Variants in HOGA1 observed in about 807,000 individuals in gnomAD.
The protein encoded by HOGA1 is 4-hydroxy-2-oxoglutarate aldolase 1.
In HOGA1, 30 loss-of-function variants were observed where a neutral mutation model predicts 34.3. The observed-to-expected ratio is 0.87, with a 90% CI of 0.65 to 1.19. The LOEUF (loss-of-function observed/expected upper bound fraction) is 1.19, where lower values mean the gene tolerates loss of function less well. HOGA1 is among the 50% of genes most tolerant of loss of function. HOGA1 has a pLI of 0.00. For missense variants in HOGA1, 417 were observed against 436.5 expected, an observed-to-expected ratio of 0.96 and a Z score of 0.40; for synonymous variants, 161 against 174.0, an observed-to-expected ratio of 0.93 and a Z score of 0.59.
chr10:97,606,807 A>G (rs2041161311), intron 6 of HOGA1, among the ~76,000 whole-genome samples: 1 of 152,158 alleles, frequency 6.6e-6, no homozygotes, highest in Admixed American at 6.5e-5. Flanking sequence ...CTTTGATCGA[A>G]ATTGCGTTAA....
intron 6 of HOGA1, among the ~76,000 whole-genome samples, chr10:97,606,111 C>T (rs1358657155): frequency 2.3e-5 from 3 of 129,908 alleles, no homozygotes; most frequent in South Asian, 2.4e-4. Context: ...GGTGAAACCC[C>T]GTCTCTACTA....
intron 1 of HOGA1, among the ~76,000 whole-genome samples, chr10:97,588,273 C>T (rs1469750908): frequency 6.9e-6 from 1 of 145,712 alleles, no homozygotes; most frequent in Non-Finnish European, 1.5e-5. Context: ...TCTCGGCTTA[C>T]TGCAAGCTCT....
chr10:97,603,203 C>T lies in HOGA1; in HGVS notation c.834+1213C>T, dbSNP rs1320747224. 6.6e-6 allele frequency among the ~76,000 whole-genome samples: 1 copy of T among 152,046 alleles called. No homozygotes were observed. The highest frequency in any genetic ancestry group is 2.4e-5 in the African/African-American group (1 of 41,402). ...ATTTTTAGTAGAGACGGGGTTTCAC[C>T]ATGTTGGCCAGGCTGGCCTCAAACT... On this transcript the variant is annotated intron_variant, in intron 6 of 6. Transcript: ENST00000370646. This position sits in a 1 kb window ranked among gnomAD's most constrained non-coding sequence, Gnocchi z 4.5.
chr10:97,601,763 T>TG, intron 5 of HOGA1, 94 bp from the exon 6 acceptor site: 1 of 1,448,916 alleles, frequency 6.9e-7, no homozygotes, highest in Non-Finnish European at 9.7e-7. Context: ...AATCTGTATC[T>TG]AATGTCCCCA....
At chr10:97,590,313 G>T in intron 1 of HOGA1, 8 of 1,613,788 alleles carry the variant, frequency 5.0e-6, no homozygotes, top group Non-Finnish European at 5.9e-6. Flanking sequence ...ACCCAGGGGC[G>T]GCACCTGGCT....
intron 2 of HOGA1, 23 bp downstream of exon 2, chr10:97,598,926 CTG>C (rs2041093410): frequency 1.2e-6 from 2 of 1,613,184 alleles, no homozygotes; most frequent in Admixed American, 3.3e-5. Context: ...GCCCTGGGCC[CTG>C]GGGGTGGGTG....
At position 97,599,793 on chromosome 10, in the gene HOGA1, C is replaced by T. The variant is rs766603508; in HGVS notation, c.582C>T (p.Gly194=). The T allele has an allele frequency of 6.2e-7, 1 of 1,614,212 alleles. No individual in the cohort carries two copies. The highest frequency in any genetic ancestry group is 2.2e-5 in the East Asian group (1 of 44,886). Residue 194 remains glycine (G), a synonymous_variant, in exon 4 of 7, where the codon GGC becomes GGT. Transcript: ENST00000370646. ...VTLSQHPNIV[G]MKDSGGDVTR... ...TTTCCCAGCACCCGAATATTGTGGGCATGAAGGACAGCGGTGGTGATGTGA... is the reference window on the plus strand; with the variant it reads ...TTTCCCAGCACCCGAATATTGTGGGTATGAAGGACAGCGGTGGTGATGTGA...
At chr10:97,589,759 A>G (rs2041002649) in intron 1 of HOGA1, 2 of 701,364 alleles carry the variant, frequency 2.9e-6, no homozygotes, top group Non-Finnish European at 5.0e-6. Flanking sequence ...AGCATGAATC[A>G]TACCACCAGA....
chr10:97,600,218 C>T, intron 5 of HOGA1, 55 bp downstream of exon 5: 2 of 1,424,722 alleles, frequency 1.4e-6, no homozygotes. Context: ...TACCCAGGTA[C>T]CTGGGTCTTC....
At chr10:97,600,449 A>G in intron 5 of HOGA1, 1 of 502,648 alleles carries the variant, frequency 2.0e-6, no homozygotes. Flanking sequence ...TTAGATGACA[A>G]ACTTAGCTGC....
chr10:97,590,728 G>A lies in HOGA1; in HGVS notation c.211+5814G>A, dbSNP rs533523108. 2.1e-4 allele frequency: 143 copies of A among 679,146 alleles called. 1 individual carries two copies. The highest frequency in any genetic ancestry group is 2.1e-3 in the African/African-American group (116 of 55,212). The allele number at this position is 679,146 out of a possible 1,614,324, so 42.1% of individuals were successfully genotyped here. A position where few individuals can be genotyped will look rare whatever the true frequency, so the allele number is the denominator to read the frequency against. The stretch of plus-strand genomic sequence containing the variant: ...ATCCCTACTTTCTTAGGCTCCTCAC[G>A]GGGATTATGGGCTCTTTAAACTCCA... On this transcript the variant is annotated intron_variant, in intron 1 of 6. Coordinates refer to ENST00000370646, the MANE Select transcript of HOGA1 (RefSeq NM_138413.4).
chr10:97,591,804 C>A (rs1279654866), intron 1 of HOGA1, among the ~76,000 whole-genome samples: 2 of 97,012 alleles, frequency 2.1e-5, no homozygotes, highest in African/African-American at 8.2e-5. Flanking sequence ...TTTTTTTTTT[C>A]TTTTCTTTCA....
In HOGA1 at chr10:97,584,812, G is replaced by A; in HGVS notation, c.109G>A (p.Gly37Ser). ...SGEGKKVDIA[G>S]IYPPVTTPFT... Reference sequence around the variant, plus strand: ...GGAGGGGAAGAAGGTGGACATTGCGGGTATCTACCCCCCTGTGACCACCCC... The same window carrying A: ...GGAGGGGAAGAAGGTGGACATTGCGAGTATCTACCCCCCTGTGACCACCCC... The change falls in exon 1 of 7, where the codon GGT becomes AGT. Residue 37 changes from glycine to serine, a missense_variant. Physicochemically the swap from Gly to Ser is moderately conservative, Grantham distance 56. Transcript: ENST00000370646. 5 of 1,614,018 alleles carry A rather than the reference G, an allele frequency of 3.1e-6. No individual in the cohort carries two copies. The highest frequency in any genetic ancestry group is 4.2e-6 in the Non-Finnish European group (5 of 1,179,938).
chr10:97,610,606 G>A (rs1015774443), intron 6 of HOGA1, among the ~76,000 whole-genome samples: 19 of 152,184 alleles, frequency 1.2e-4, no homozygotes, highest in East Asian at 1.9e-4. Context: ...CCAACATGGC[G>A]AAGCCCTGTC....
chr10:97,609,855 C>G lies in HOGA1; in HGVS notation c.835-1655C>G, dbSNP rs574237349. On this transcript the variant is annotated intron_variant, in intron 6 of 6. Coordinates refer to ENST00000370646, the MANE Select transcript of HOGA1 (RefSeq NM_138413.4). ...TTAGAACATCATGGGGGTGGCGAGG[C>G]CTGCAGGAGGGTGGCTTACCACCCA... Among the ~76,000 whole-genome samples, 20 of 152,228 alleles carry G rather than the reference C, an allele frequency of 1.3e-4. No homozygotes were observed. In the South Asian group the frequency reaches 3.9e-3, roughly 30 times the overall value.
intron 1 of HOGA1, chr10:97,590,214 T>G (rs2041008204): frequency 6.2e-7 from 1 of 1,613,798 alleles, no homozygotes; most frequent in East Asian, 2.2e-5. Flanking sequence ...CCCTCAGTGA[T>G]CCAAGAGATC....
intron 6 of HOGA1, chr10:97,602,249 C>A: frequency 6.8e-7 from 1 of 1,463,842 alleles, no homozygotes; most frequent in Non-Finnish European, 9.1e-7. Context: ...AACTTTTGGG[C>A]CCAAGAAGAT....
At chr10:97,606,128 C>CAAAAAAAAAAAAAAAAAA (rs60230634) in intron 6 of HOGA1, among the ~76,000 whole-genome samples, 1 of 95,208 alleles carries the variant, frequency 1.1e-5, no homozygotes, top group African/African-American at 4.1e-5. Context: ...ACTAAAAATA[C>CAAAAAAAAAAAAAAAAAA]AAAAAAAAAA....
At chr10:97,607,672 T>G (rs2041167294) in intron 6 of HOGA1, among the ~76,000 whole-genome samples, 1 of 152,112 alleles carries the variant, frequency 6.6e-6, no homozygotes, top group South Asian at 2.1e-4. Flanking sequence ...ATATATATAA[T>G]TTTTTATATA....
Sources: gnomAD v4.1 joint callset for allele counts (sites outside exome capture counted in the v4.1 genomes callset) on GRCh38, gnomAD v4.1.1 for gene constraint, Gnocchi (gnomAD v3.1) non-coding constraint, MANE v1.5 for transcripts, NCBI Gene and HGNC (gene_info 2026-07-23, HGNC 2026-07-21) for gene names.